Variants in MCOLN2 observed in about 807,000 individuals in gnomAD.
MCOLN2 encodes mucolipin TRP cation channel 2, also known as mucolipin-2.
A neutral mutation model predicts 67.5 loss-of-function variants in MCOLN2; 57 were observed. The ratio of observed to expected loss-of-function variants is 0.84; its 90% CI spans 0.68 to 1.05. MCOLN2 has a LOEUF of 1.05. MCOLN2 is among the 50% of genes least tolerant of loss of function. The pLI, the probability that MCOLN2 is intolerant of heterozygous loss-of-function variation, is 0.00. For missense variants in MCOLN2, 620 were observed against 678.8 expected, an observed-to-expected ratio of 0.91 and a Z score of 0.96; for synonymous variants, 246 against 233.3, an observed-to-expected ratio of 1.05 and a Z score of -0.50.
At chr1:84,956,920 G>A (rs901950057) in intron 3 of MCOLN2, among the ~76,000 whole-genome samples, 1 of 152,072 alleles carries the variant, frequency 6.6e-6, no homozygotes, top group African/African-American at 2.4e-5. Context: ...GAGCTCACAC[G>A]CATATTTTTG....
At position 84,929,619 on chromosome 1, in the gene MCOLN2, T is replaced by C. The variant is rs1570939700; in HGVS notation, c.1603A>G (p.Ser535Gly). Residue 535 changes from serine (S) to glycine (G), a missense_variant, in exon 13 of 14, where the codon AGC becomes GGC. Physicochemically the swap from Ser to Gly is moderately conservative, Grantham distance 56 (BLOSUM62 0). Transcript: ENST00000370608. The part of the protein sequence containing the change: ...DLQEFLKECS[S>G]KEEYQKESSA... Reference sequence around the variant, plus strand: ...GACTCTTTCTGATACTCTTCTTTGCTACTGCATTCCTTCAGGAATTCCTGC... The same window carrying C: ...GACTCTTTCTGATACTCTTCTTTGCCACTGCATTCCTTCAGGAATTCCTGC... The C allele has an allele frequency of 6.2e-7, 1 of 1,613,930 alleles. No homozygotes were observed. The highest frequency in any genetic ancestry group is 2.2e-5 in the East Asian group (1 of 44,852).
intron 11 of MCOLN2, among the ~76,000 whole-genome samples, chr1:84,934,147 G>C (rs1647302305): frequency 6.6e-6 from 1 of 152,152 alleles, no homozygotes; most frequent in African/African-American, 2.4e-5. Flanking sequence ...TCTGCTTCTT[G>C]TTTGTTCAAA....
At position 84,952,448 on chromosome 1, in the gene MCOLN2, A is replaced by G; in HGVS notation, c.648T>C (p.Tyr216=). 1 of 1,610,678 alleles carries G rather than the reference A, an allele frequency of 6.2e-7. No individual in the cohort carries two copies. Among genetic ancestry groups the G allele is most frequent in the Non-Finnish European group, 8.5e-7 (1 of 1,176,836 alleles). ...ATAACACTTTAAAATGTATTTACCGATAAAATTCCAGTCTGAAGAATGATG... is the reference window on the plus strand; with the variant it reads ...ATAACACTTTAAAATGTATTTACCGGTAAAATTCCAGTCTGAAGAATGATG... ...KNSSFFRLEF[Y]RLLQVEISFH... Residue 216 remains tyrosine, a splice_region_variant and synonymous_variant, in exon 5 of 14, where the codon TAT becomes TAC. Transcript: ENST00000370608.
chr1:84,950,720 T>A (rs1570977920), intron 6 of MCOLN2, among the ~76,000 whole-genome samples: 1 of 152,106 alleles, frequency 6.6e-6, no homozygotes, highest in African/African-American at 2.4e-5. Flanking sequence ...GGTGATCAAA[T>A]CCACATGCAC....
At chr1:84,938,535 G>T (rs1021670520) in intron 9 of MCOLN2, among the ~76,000 whole-genome samples, 1 of 152,204 alleles carries the variant, frequency 6.6e-6, no homozygotes, top group African/African-American at 2.4e-5. Context: ...TAGTTGAAAA[G>T]ACAAACACAC....
chr1:84,985,376 G>A (rs1030832822), intron 1 of MCOLN2, among the ~76,000 whole-genome samples: 3 of 152,166 alleles, frequency 2.0e-5, no homozygotes, highest in Admixed American at 2.0e-4. Context: ...AGAGTGCCTT[G>A]GGGCACAGTA....
chr1:84,996,800 C>G lies in MCOLN2; in HGVS notation c.73G>C (p.Val25Leu). 6.2e-7 allele frequency: 1 copy of G among 1,613,890 alleles called. No homozygotes were observed. Among genetic ancestry groups the G allele is most frequent in the East Asian group, 2.2e-5 (1 of 44,872 alleles). ...GATGAAGCCCAGACTCCTCACCTGA[C>G]GGTTAACCTGAAAACACCTGATCCT... ...ERGSGVFRLT[V>L]RNAMAHRDSE... The change falls in exon 1 of 14, where the codon GTC becomes CTC. Residue 25 changes from valine to leucine, a missense_variant. By Grantham distance (32) the Val-to-Leu change is conservative. Transcript: ENST00000370608.
intron 3 of MCOLN2, among the ~76,000 whole-genome samples, chr1:84,958,080 T>A (rs1570991667): frequency 6.6e-6 from 1 of 152,194 alleles, no homozygotes. Flanking sequence ...CTGATTTTTT[T>A]ATTTATTTAC....
intron 1 of MCOLN2, among the ~76,000 whole-genome samples, chr1:84,970,464 G>A (rs1033514947): frequency 2.7e-5 from 4 of 150,322 alleles, no homozygotes; most frequent in Non-Finnish European, 5.9e-5. Context: ...GAGGCCAGGA[G>A]TTTGAGATCA....
At chr1:84,944,040 C>G (rs1647950366) in intron 7 of MCOLN2, among the ~76,000 whole-genome samples, 2 of 152,104 alleles carry the variant, frequency 1.3e-5, no homozygotes, top group Non-Finnish European at 2.9e-5. Flanking sequence ...AATGCAAGGA[C>G]AGCATCTAGT....
chr1:84,935,889 T>A (rs1428363739), intron 11 of MCOLN2, among the ~76,000 whole-genome samples: 1 of 152,160 alleles, frequency 6.6e-6, no homozygotes, highest in Non-Finnish European at 1.5e-5. Context: ...ATGAAGCCGA[T>A]TACATGGCTG....
At chr1:84,993,619 CTTTTTTTTTTT>C (rs869075778) in intron 1 of MCOLN2, among the ~76,000 whole-genome samples, 1 of 118,534 alleles carries the variant, frequency 8.4e-6, no homozygotes, top group African/African-American at 3.2e-5. Context: ...TAAATAATGT[CTTTTTTTTTTT>C]TTTTTTTTTT....
intron 1 of MCOLN2, among the ~76,000 whole-genome samples, chr1:84,982,530 T>C (rs192823396): frequency 1.7e-3 from 260 of 152,354 alleles, no homozygotes; most frequent in Non-Finnish European, 3.2e-3. Flanking sequence ...GCATATGATA[T>C]GTAAATGAAT....
intron 1 of MCOLN2, among the ~76,000 whole-genome samples, chr1:84,987,686 A>ATATATATC (rs1650688344): frequency 6.8e-6 from 1 of 147,624 alleles, no homozygotes; most frequent in Admixed American, 6.8e-5. Context: ...AGATATATAG[A>ATATATATC]TGTATAGATG....
At chr1:84,988,225 CT>C (rs1650716433) in intron 1 of MCOLN2, among the ~76,000 whole-genome samples, 1 of 151,754 alleles carries the variant, frequency 6.6e-6, no homozygotes, top group South Asian at 2.1e-4. Context: ...TTAATTTTTG[CT>C]TTTTTAAATG....
At chr1:84,959,988 C>T (rs576335454) in intron 2 of MCOLN2, among the ~76,000 whole-genome samples, 2 of 152,192 alleles carry the variant, frequency 1.3e-5, no homozygotes, top group East Asian at 3.9e-4. Context: ...TCACTTAAGC[C>T]CAGGAGTTCA....
At chr1:84,981,589 G>A (rs1650257981) in intron 1 of MCOLN2, among the ~76,000 whole-genome samples, 1 of 152,164 alleles carries the variant, frequency 6.6e-6, no homozygotes, top group Non-Finnish European at 1.5e-5. Context: ...ACTTATTTGT[G>A]TGATCTAAAA....
chr1:84,952,328 A>G lies in MCOLN2; in HGVS notation c.662T>C (p.Val221Ala). 2 of 1,612,796 alleles carry G rather than the reference A, an allele frequency of 1.2e-6. No homozygotes were observed. Among genetic ancestry groups the G allele is most frequent in the Non-Finnish European group, 1.7e-6 (2 of 1,178,956 alleles). Reference sequence around the variant, plus strand: ...GCCTTTAAGATGAAAGGAGATTTCAACCTGTAAGAGCCTGAATAAAATATA... The same window carrying G: ...GCCTTTAAGATGAAAGGAGATTTCAGCCTGTAAGAGCCTGAATAAAATATA... ...FRLEFYRLLQ[V>A]EISFHLKGID... The change falls in exon 6 of 14, where the codon GTT (valine) becomes GCT (alanine). Residue 221 changes from valine (V) to alanine (A), a missense_variant. Transcript: ENST00000370608.
At position 84,939,691 on chromosome 1, in the gene MCOLN2, A is replaced by C; in HGVS notation, c.972T>G (p.Asn324Lys). ...LALRLRKRFL[N>K]FFLEKYKRPV... Reference sequence around the variant, plus strand: ...GCCGCTTGTACTTCTCCAGGAAGAAATTTAGAAATCTCTATGGCAAACATT... The same window carrying C: ...GCCGCTTGTACTTCTCCAGGAAGAACTTTAGAAATCTCTATGGCAAACATT... Residue 324 changes from asparagine (N) to lysine (K), a missense_variant, in exon 9 of 14, where the codon AAT (asparagine) becomes AAG (lysine). By Grantham distance (94) the Asn-to-Lys change is moderately conservative (BLOSUM62 0). Coordinates refer to ENST00000370608, the MANE Select transcript of MCOLN2 (RefSeq NM_153259.4). 3 of 1,613,970 alleles carry C rather than the reference A, an allele frequency of 1.9e-6. No homozygotes were observed. Among genetic ancestry groups the C allele is most frequent in the Non-Finnish European group, 2.5e-6 (3 of 1,179,956 alleles).
Sources: allele counts gnomAD v4.1 joint callset (sites outside exome capture counted in the v4.1 genomes callset), GRCh38; gene constraint gnomAD v4.1.1; transcripts MANE v1.5; gene names NCBI Gene and HGNC (gene_info 2026-07-23, HGNC 2026-07-21).